PDE4D: variants seen among roughly 807,000 people sequenced by gnomAD.
PDE4D encodes 3',5'-cyclic-AMP phosphodiesterase 4D.
In PDE4D, 24 loss-of-function variants were observed where a neutral mutation model predicts 87.4. That is an observed-to-expected ratio of 0.27 (90% confidence interval 0.20 to 0.39). PDE4D has a LOEUF of 0.39. Among genes scored for constraint, PDE4D ranks in the 10% least tolerant of loss-of-function variants. PDE4D has a pLI of 1.00. For synonymous variants in PDE4D, 384 were observed against 383.2 expected (o/e 1.00, Z -0.02); for missense variants, 714 against 1,041.0 (o/e 0.69, Z 4.32).
chr5:60,304,639 G>A (rs1472312965), intron 1 of PDE4D, among the ~76,000 whole-genome samples: 2 of 119,140 alleles, frequency 1.7e-5, no homozygotes, highest in Non-Finnish European at 3.1e-5. Flanking sequence ...GCGACAGAGC[G>A]AGACTCCGTC....
chr5:59,341,350 A>G lies in PDE4D; in HGVS notation c.456-125382T>C, dbSNP rs534487517. ...TAGTTTGGTAACTTAAATCCACACG[A>G]GAGCTCCGTTGTACTTTGGATCAAA... On this transcript the variant is annotated intron_variant, in intron 1 of 14. Coordinates refer to ENST00000340635, the MANE Select transcript of PDE4D (RefSeq NM_001104631.2). Among the ~76,000 whole-genome samples the G allele has an allele frequency of 1.3e-5, 2 of 152,302 alleles. 1 individual carries two copies. The highest frequency in any genetic ancestry group is 4.1e-4 in the South Asian group (2 of 4,826).
chr5:59,208,975 A>G (rs1323605461), intron 2 of PDE4D, among the ~76,000 whole-genome samples: 3 of 152,336 alleles, frequency 2.0e-5, no homozygotes, highest in East Asian at 3.9e-4. Context: ...GCAATGGAAG[A>G]AAAAGCCTGG....
At chr5:60,340,044 C>A (rs1019356675) in intron 1 of PDE4D, among the ~76,000 whole-genome samples, 1 of 152,212 alleles carries the variant, frequency 6.6e-6, no homozygotes, top group Non-Finnish European at 1.5e-5. Context: ...GCCAAAACCA[C>A]CGGAGATTAT....
intron 5 of PDE4D, among the ~76,000 whole-genome samples, chr5:59,041,200 A>G (rs1759631255): frequency 6.6e-6 from 1 of 152,202 alleles, no homozygotes; most frequent in African/African-American, 2.4e-5. Context: ...TGGTAAATAT[A>G]AAATACCTGC....
At chr5:59,532,189 C>T (rs951482685) in intron 1 of PDE4D, among the ~76,000 whole-genome samples, 1 of 152,100 alleles carries the variant, frequency 6.6e-6, no homozygotes, top group Admixed American at 6.5e-5. Context: ...GGCTAGAGTG[C>T]CGTGGCGTTA....
intron 1 of PDE4D, among the ~76,000 whole-genome samples, chr5:59,252,481 T>C (rs1176673432): frequency 6.6e-6 from 1 of 152,030 alleles, no homozygotes; most frequent in Non-Finnish European, 1.5e-5. Context: ...AATCTTATTT[T>C]CTAATAACTG....
chr5:59,001,175 C>T (rs1441434748), intron 6 of PDE4D, among the ~76,000 whole-genome samples: 3 of 152,134 alleles, frequency 2.0e-5, no homozygotes, highest in Admixed American at 2.0e-4. Context: ...AACTTTAATA[C>T]TAAAGAGGTC....
chr5:59,926,429 T>C (rs1027591700), intron 3 of PDE4D, among the ~76,000 whole-genome samples: 2 of 151,882 alleles, frequency 1.3e-5, no homozygotes, highest in South Asian at 4.1e-4. Context: ...CAAAAAACCC[T>C]AATGATGCAC....
intron 1 of PDE4D, among the ~76,000 whole-genome samples, chr5:59,251,581 G>A (rs576192186): frequency 5.3e-4 from 81 of 152,244 alleles, no homozygotes; most frequent in African/African-American, 1.9e-3. Context: ...TTTGGTGGGA[G>A]TGTAAATTAG....
At chr5:59,491,933 C>G (rs991377180) in intron 1 of PDE4D, among the ~76,000 whole-genome samples, 1 of 152,094 alleles carries the variant, frequency 6.6e-6, no homozygotes, top group African/African-American at 2.4e-5. Context: ...AAATATGCAA[C>G]CCAGATACCC....
chr5:59,806,422 G>A (rs977257390), intron 1 of PDE4D, among the ~76,000 whole-genome samples: 1 of 152,216 alleles, frequency 6.6e-6, no homozygotes, highest in African/African-American at 2.4e-5. Context: ...CTTATCAAAA[G>A]GAGCAGCCTG....
intron 1 of PDE4D, among the ~76,000 whole-genome samples, chr5:59,793,464 T>C (rs1405818885): frequency 1.9e-4 from 29 of 152,216 alleles, no homozygotes; most frequent in Admixed American, 1.9e-3. Context: ...TATAAGGAAG[T>C]AGTTAACTCC....
At chr5:59,204,130 T>C (rs1187117556) in intron 2 of PDE4D, among the ~76,000 whole-genome samples, 1 of 152,046 alleles carries the variant, frequency 6.6e-6, no homozygotes, top group Non-Finnish European at 1.5e-5. Flanking sequence ...ATGCATATAA[T>C]TTGTTATTTG....
At chr5:59,168,670 GAAAA>G (rs1281210443) in intron 5 of PDE4D, among the ~76,000 whole-genome samples, 1 of 151,142 alleles carries the variant, frequency 6.6e-6, no homozygotes, top group Non-Finnish European at 1.5e-5. Context: ...AAAGAAAAAA[GAAAA>G]AGAAAGAGAG....
chr5:59,336,333 T>G (rs982516692), intron 1 of PDE4D, among the ~76,000 whole-genome samples: 3 of 152,370 alleles, frequency 2.0e-5, no homozygotes, highest in East Asian at 1.9e-4. Flanking sequence ...TTTTGTACTT[T>G]CCTGTCCCCA....
chr5:59,125,401 T>C (rs1222322098), intron 5 of PDE4D: 2 of 407,700 alleles, frequency 4.9e-6, no homozygotes, highest in Non-Finnish European at 3.3e-6. Flanking sequence ...GTCAATTGAC[T>C]GCCAACCTTA....
intron 1 of PDE4D, among the ~76,000 whole-genome samples, chr5:60,329,236 T>C (rs1269531869): frequency 1.3e-5 from 2 of 152,194 alleles, no homozygotes; most frequent in East Asian, 1.9e-4. Flanking sequence ...TAGGAGGTCA[T>C]TGAATCATGG....
chr5:59,108,169 T>C (rs139250835), intron 5 of PDE4D, among the ~76,000 whole-genome samples: 120 of 152,304 alleles, frequency 7.9e-4, no homozygotes, highest in African/African-American at 2.7e-3. Context: ...ACATTTTAAA[T>C]CACTACTGCC....
rs181313492 is a variant in PDE4D, at chr5:59,458,142, C to T, written c.456-242174G>A. Among the ~76,000 whole-genome samples the T allele has an allele frequency of 5.3e-5, 8 of 152,300 alleles. No homozygotes were observed. In the South Asian group the frequency reaches 1.0e-3, roughly 20 times the overall value. ...CATTCTGTGGTTTTGATACATAGTG[C>T]TGAAATCACATCTTTGATTCTTTTA... On this transcript the variant is annotated intron_variant, in intron 1 of 14. Coordinates refer to ENST00000340635, the MANE Select transcript of PDE4D (RefSeq NM_001104631.2).
Sources: allele counts gnomAD v4.1 joint callset (sites outside exome capture counted in the v4.1 genomes callset), GRCh38; gene constraint gnomAD v4.1.1; transcripts MANE v1.5; gene names NCBI Gene and HGNC (gene_info 2026-07-23, HGNC 2026-07-21).